LTBP1: variants seen among roughly 807,000 people sequenced by gnomAD.
LTBP1 encodes latent transforming growth factor beta binding protein 1.
Under a neutral mutation model 207.6 loss-of-function variants are expected in LTBP1, and 129 were observed. That is an observed-to-expected ratio of 0.62 (90% CI 0.54 to 0.72). The LOEUF is 0.72. Ranked by LOEUF, LTBP1 falls within the 30% of genes least tolerant of loss-of-function variation. The pLI, the probability that LTBP1 is intolerant of heterozygous loss-of-function variation, is 0.00. For synonymous variants in LTBP1, 963 were observed against 833.7 expected (o/e 1.16, Z -2.67); for missense variants, 2,281 against 2,217.2 (o/e 1.03, Z -0.58).
chr2:33,105,338 T>C (rs955569137), intron 3 of LTBP1, among the ~76,000 whole-genome samples: 1 of 152,216 alleles, frequency 6.6e-6, no homozygotes, highest in Non-Finnish European at 1.5e-5. Context: ...GTACATTAAT[T>C]GTTTAAAAAT....
intron 19 of LTBP1, among the ~76,000 whole-genome samples, chr2:33,281,045 C>T (rs1483561378): frequency 1.3e-5 from 2 of 152,074 alleles, no homozygotes; most frequent in Non-Finnish European, 2.9e-5. Flanking sequence ...CTCTCCAGCC[C>T]GAGTGACAGT....
chr2:33,351,670 A>G (rs568917562), intron 26 of LTBP1, among the ~76,000 whole-genome samples: 10 of 152,154 alleles, frequency 6.6e-5, no homozygotes, highest in Non-Finnish European at 1.3e-4. Flanking sequence ...GTGAGCTTCT[A>G]TATGGTAAAC....
chr2:33,037,021 A>G (rs1325018031), intron 3 of LTBP1, among the ~76,000 whole-genome samples: 4 of 151,942 alleles, frequency 2.6e-5, no homozygotes, highest in South Asian at 2.1e-4. Flanking sequence ...TCTCATTGCT[A>G]TATTTTTCTA....
rs548718724 is a variant in LTBP1 at position 33,275,671 on chromosome 2, C to T, written c.2870-130C>T. 1,855 of 1,165,040 alleles carry T rather than the reference C, an allele frequency of 1.6e-3. 25 individuals are homozygous for T. Among genetic ancestry groups the T allele is most frequent in the South Asian group, 1.2e-3 (95 of 78,854 alleles). 72.2% of individuals were successfully genotyped at this position (1,165,040 alleles called of 1,614,324 possible). A position where few individuals can be genotyped will look rare whatever the true frequency, so the allele number is the denominator to read the frequency against. On this transcript the variant is annotated intron_variant, in intron 17 of 33. Transcript: ENST00000404816. ...TGCACTCCAGCCTGGGCAACAAGAGCGAAACTCCATCTCAAAAAAAAAAAG... is the reference window on the plus strand; with the variant it reads ...TGCACTCCAGCCTGGGCAACAAGAGTGAAACTCCATCTCAAAAAAAAAAAG...
Position 33,397,169 on chromosome 2 carries a change from A to C in LTBP1, c.4871A>C (p.Glu1624Ala). The change falls in exon 33 of 34, where the codon GAA becomes GCA. Residue 1624 changes from glutamate to alanine, a missense_variant. Glu to Ala is a moderately radical substitution (Grantham distance 107). Transcript: ENST00000404816. ...LNSFEELQAE[E>A]CGILNGCENG... ...AGCTTTGAGGAGTTACAGGCTGAGG[A>C]ATGCGGCATCCTCAATGGATGTGAA... 1 of 1,614,124 alleles carries C rather than the reference A, an allele frequency of 6.2e-7. No individual in the cohort carries two copies. The highest frequency in any genetic ancestry group is 8.5e-7 in the Non-Finnish European group (1 of 1,179,988).
intron 2 of LTBP1, among the ~76,000 whole-genome samples, chr2:32,992,453 G>A (rs78947971): frequency 0.03 from 4,621 of 152,216 alleles, 240 homozygotes; most frequent in African/African-American, 0.1. Context: ...CCAAAAGAAG[G>A]GGAGTATCTT....
intron 24 of LTBP1, among the ~76,000 whole-genome samples, chr2:33,339,816 T>C (rs1449576587): frequency 2.6e-5 from 4 of 151,992 alleles, no homozygotes; most frequent in Non-Finnish European, 5.9e-5. Context: ...CGGCTAATTT[T>C]GTATTTTTAG....
intron 3 of LTBP1, among the ~76,000 whole-genome samples, chr2:33,049,655 A>G (rs2076625302): frequency 6.6e-6 from 1 of 152,210 alleles, no homozygotes; most frequent in Non-Finnish European, 1.5e-5. Context: ...TCAGCCTTCC[A>G]AATTTCTATT....
chr2:33,152,318 C>G lies in LTBP1; in HGVS notation c.1201+17358C>G, dbSNP rs185042867. Reference sequence around the variant, plus strand: ...GATGGCCAACAAACATGAAAAAGTACTCAGCATCACTAATGATCAGGGAAA... The same window carrying G: ...GATGGCCAACAAACATGAAAAAGTAGTCAGCATCACTAATGATCAGGGAAA... On this transcript the variant is annotated intron_variant, in intron 5 of 33. Transcript: ENST00000404816. Among the ~76,000 whole-genome samples, 483 of 152,242 alleles carry G rather than the reference C, an allele frequency of 3.2e-3. 1 individual carries two copies. Among genetic ancestry groups the G allele is most frequent in the Non-Finnish European group, 3.4e-3 (233 of 68,018 alleles).
chr2:33,139,228 T>C (rs1273958717), intron 5 of LTBP1, among the ~76,000 whole-genome samples: 1 of 152,256 alleles, frequency 6.6e-6, no homozygotes, highest in Non-Finnish European at 1.5e-5. Flanking sequence ...CTATCCATAA[T>C]TGGCAAATAT....
intron 19 of LTBP1, among the ~76,000 whole-genome samples, chr2:33,290,766 T>C (rs1027905074): frequency 6.6e-6 from 1 of 151,860 alleles, no homozygotes; most frequent in African/African-American, 2.4e-5. Context: ...GTGTGAAAAA[T>C]AACATAAAGA....
At chr2:33,197,104 A>C (rs985109778) in intron 7 of LTBP1, among the ~76,000 whole-genome samples, 8 of 152,216 alleles carry the variant, frequency 5.3e-5, no homozygotes, top group Admixed American at 4.6e-4. Context: ...TTAACAATCA[A>C]ATAAATCATT....
intron 19 of LTBP1, among the ~76,000 whole-genome samples, chr2:33,280,882 A>T (rs1366556716): frequency 6.6e-6 from 1 of 152,182 alleles, no homozygotes; most frequent in Admixed American, 6.5e-5. Flanking sequence ...CAGCCTGGGC[A>T]GCATAGCAAG....
At chr2:33,342,437 G>T (rs1305751617) in intron 24 of LTBP1, among the ~76,000 whole-genome samples, 1 of 152,164 alleles carries the variant, frequency 6.6e-6, no homozygotes, top group Non-Finnish European at 1.5e-5. Context: ...GTAACTATCA[G>T]ATGCAAATAC....
At chr2:33,374,904 A>T (rs1288782620) in intron 31 of LTBP1, among the ~76,000 whole-genome samples, 2 of 152,164 alleles carry the variant, frequency 1.3e-5, no homozygotes. Flanking sequence ...GTGAGCCAAG[A>T]TTGTGCCACT....
intron 31 of LTBP1, among the ~76,000 whole-genome samples, chr2:33,370,483 A>AGCTGCTGCT (rs923763562): frequency 2.6e-5 from 4 of 152,252 alleles, no homozygotes; most frequent in African/African-American, 9.6e-5. Context: ...ATAAGTCCCA[A>AGCTGCTGCT]GCTGCTGCTG....
intron 15 of LTBP1, among the ~76,000 whole-genome samples, chr2:33,272,538 T>C (rs1170379000): frequency 1.3e-5 from 2 of 152,244 alleles, no homozygotes; most frequent in Non-Finnish European, 2.9e-5. Context: ...ATGGTAACTT[T>C]TATTGAGCAC....
chr2:33,234,516 G>A (rs989436940), intron 9 of LTBP1, among the ~76,000 whole-genome samples: 12 of 152,054 alleles, frequency 7.9e-5, no homozygotes, highest in African/African-American at 2.9e-4. Context: ...AACTTACAAG[G>A]GATGTGAAGG....
At chr2:33,396,175 GT>G (rs555691297) in intron 32 of LTBP1, among the ~76,000 whole-genome samples, 1 of 150,152 alleles carries the variant, frequency 6.7e-6, no homozygotes, top group Non-Finnish European at 1.5e-5. Context: ...TTTTGGTTCT[GT>G]TTTTTTTTGG....
Sources: allele counts gnomAD v4.1 joint callset (sites outside exome capture counted in the v4.1 genomes callset), GRCh38; gene constraint gnomAD v4.1.1; transcripts MANE v1.5; gene names NCBI Gene and HGNC (gene_info 2026-07-23, HGNC 2026-07-21).